PI4KA: variants seen among roughly 807,000 people sequenced by gnomAD.
The protein encoded by PI4KA is phosphatidylinositol 4-kinase alpha, also known as PI4-kinase alpha.
A neutral mutation model predicts 271.4 loss-of-function variants in PI4KA; 122 were observed. The observed-to-expected ratio is 0.45, with a 90% CI of 0.39 to 0.52. The LOEUF (loss-of-function observed/expected upper bound fraction) is 0.52. PI4KA is among the 20% of genes least tolerant of loss of function. PI4KA has a pLI of 0.00. For synonymous variants in PI4KA, 1,041 were observed against 1,078.8 expected, an observed-to-expected ratio of 0.96 and a Z score of 0.69; for missense variants, 1,969 against 2,769.1, an observed-to-expected ratio of 0.71 and a Z score of 6.48.
At chr22:20,811,740 G>A (rs1188261077) in intron 8 of PI4KA, among the ~76,000 whole-genome samples, 6 of 152,006 alleles carry the variant, frequency 3.9e-5, no homozygotes, top group Admixed American at 2.0e-4. Flanking sequence ...TAGGCCAGCC[G>A]TGGTGGCTCA....
chr22:20,778,652 T>C (rs774719594), intron 19 of PI4KA, among the ~76,000 whole-genome samples: 4 of 152,174 alleles, frequency 2.6e-5, no homozygotes, highest in African/African-American at 7.2e-5. Flanking sequence ...AGCATCTCCA[T>C]TGCAAAGGTG....
chr22:20,804,028 C>A (rs542809752), intron 12 of PI4KA, among the ~76,000 whole-genome samples: 2 of 152,374 alleles, frequency 1.3e-5, no homozygotes, highest in East Asian at 3.9e-4. Context: ...CCTTCCCCCA[C>A]AGGCCTTGGG....
intron 9 of PI4KA, among the ~76,000 whole-genome samples, chr22:20,809,588 C>T (rs1204644466): frequency 6.6e-6 from 1 of 152,154 alleles, no homozygotes; most frequent in Non-Finnish European, 1.5e-5. Flanking sequence ...TGTCTAACTG[C>T]CCAGCCCAGC....
chr22:20,737,790 C>T (rs562900148), intron 32 of PI4KA, among the ~76,000 whole-genome samples: 1 of 152,138 alleles, frequency 6.6e-6, no homozygotes, highest in African/African-American at 2.4e-5. Flanking sequence ...TGCCACCACA[C>T]CTGGCTAATT....
intron 3 of PI4KA, among the ~76,000 whole-genome samples, chr22:20,826,864 G>A (rs1262131503): frequency 1.3e-5 from 2 of 151,280 alleles, no homozygotes; most frequent in African/African-American, 4.9e-5. Context: ...CTTTTGAGAA[G>A]TATCTATTCG....
chr22:20,782,396 G>A (rs1236682678), intron 19 of PI4KA, among the ~76,000 whole-genome samples: 1 of 152,134 alleles, frequency 6.6e-6, no homozygotes, highest in Non-Finnish European at 1.5e-5. Context: ...GCATCACAAG[G>A]GATCAAATGC....
intron 23 of PI4KA, among the ~76,000 whole-genome samples, chr22:20,757,293 C>T (rs998001800): frequency 6.6e-6 from 1 of 152,152 alleles, no homozygotes; most frequent in Non-Finnish European, 1.5e-5. Flanking sequence ...CTAAGTGCCA[C>T]GCTCAGAACA....
rs570377701 is a variant in PI4KA, at chr22:20,743,796, T to C, written c.3456+832A>G. 7.2e-5 allele frequency among the ~76,000 whole-genome samples: 11 copies of C among 152,200 alleles called. 1 individual carries two copies. In the South Asian group the frequency reaches 2.3e-3, roughly 32 times the overall value. ...TAGGCTGGGCGCGGTGGCTCACGCCTGTAATCCCAGCAGTTTGGGAGGCCG... is the reference window on the plus strand; with the variant it reads ...TAGGCTGGGCGCGGTGGCTCACGCCCGTAATCCCAGCAGTTTGGGAGGCCG... On this transcript the variant is annotated intron_variant, in intron 30 of 54. Coordinates refer to ENST00000255882, the MANE Select transcript of PI4KA (RefSeq NM_058004.4).
intron 1 of PI4KA, among the ~76,000 whole-genome samples, chr22:20,856,907 G>T (rs957765522): frequency 2.0e-5 from 3 of 152,178 alleles, no homozygotes; most frequent in African/African-American, 7.2e-5. Context: ...TGCAGGACCA[G>T]CTTCTTAAAG....
chr22:20,765,495 A>G, intron 20 of PI4KA, 90 bp downstream of exon 20: 1 of 885,022 alleles, frequency 1.1e-6, no homozygotes, highest in Non-Finnish European at 1.9e-6. Context: ...TCATTTAAAC[A>G]TGCTCACATT....
At chr22:20,741,347 C>T (rs556640897) in intron 32 of PI4KA, among the ~76,000 whole-genome samples, 11 of 152,260 alleles carry the variant, frequency 7.2e-5, no homozygotes, top group Admixed American at 2.0e-4. Context: ...GGAATCAGAG[C>T]CCTGCAGGCT....
chr22:20,734,008 A>G (rs1928387035), intron 34 of PI4KA, 35 bp downstream of exon 34: 3 of 1,547,250 alleles, frequency 1.9e-6, no homozygotes, highest in South Asian at 1.2e-5. Flanking sequence ...TGTACACACC[A>G]GGGGCCCTGT....
chr22:20,716,698 G>A (rs1926039948), intron 45 of PI4KA, among the ~76,000 whole-genome samples: 1 of 152,094 alleles, frequency 6.6e-6, no homozygotes, highest in Non-Finnish European at 1.5e-5. Flanking sequence ...TTCTGTGCAT[G>A]CCCCCTGCAG....
intron 2 of PI4KA, among the ~76,000 whole-genome samples, chr22:20,838,412 T>C (rs1326091247): frequency 6.6e-6 from 1 of 152,184 alleles, no homozygotes; most frequent in Admixed American, 6.5e-5. Flanking sequence ...ATGCACACAA[T>C]TCTAAAAAAC....
At chr22:20,762,249 G>A (rs1932044183) in intron 22 of PI4KA, among the ~76,000 whole-genome samples, 2 of 152,176 alleles carry the variant, frequency 1.3e-5, no homozygotes, top group African/African-American at 4.8e-5. Flanking sequence ...AACCTGTCAA[G>A]AGTTAAGCCT....
intron 23 of PI4KA, among the ~76,000 whole-genome samples, chr22:20,760,774 T>C (rs73160995): frequency 0.07 from 10,577 of 152,174 alleles, 354 homozygotes; most frequent in East Asian, 0.079. Flanking sequence ...TTCCCAGGAG[T>C]TGGTCTCCTG....
At chr22:20,766,199 G>T (rs558123100) in intron 19 of PI4KA, among the ~76,000 whole-genome samples, 6 of 152,068 alleles carry the variant, frequency 3.9e-5, no homozygotes, top group Admixed American at 2.0e-4. Flanking sequence ...GAGAGCACAA[G>T]AACTCTCATG....
At chr22:20,792,332 T>C (rs963976225) in intron 19 of PI4KA, among the ~76,000 whole-genome samples, 15 of 152,096 alleles carry the variant, frequency 9.9e-5, no homozygotes, top group Non-Finnish European at 2.2e-4. Flanking sequence ...GAGAGGTGCC[T>C]CTCTGTGCCT....
intron 32 of PI4KA, among the ~76,000 whole-genome samples, chr22:20,740,588 C>T (rs1160832209): frequency 1.3e-5 from 2 of 152,078 alleles, no homozygotes; most frequent in East Asian, 3.9e-4. Flanking sequence ...GAAATTCACA[C>T]ACAGTCAAAC....
Sources: gnomAD v4.1 joint callset for allele counts (sites outside exome capture counted in the v4.1 genomes callset) on GRCh38, gnomAD v4.1.1 for gene constraint, MANE v1.5 for transcripts, NCBI Gene and HGNC (gene_info 2026-07-23, HGNC 2026-07-21) for gene names.